The following IGDCC4 variants were observed in gnomAD, a reference collection of about 807,000 sequenced individuals.
IGDCC4 encodes the protein immunoglobulin superfamily DCC subclass member 4.
Under a neutral mutation model 116.6 loss-of-function variants are expected in IGDCC4, and 72 were observed. The observed-to-expected ratio is 0.62, with a 90% confidence interval of 0.51 to 0.75. The LOEUF is 0.75. IGDCC4 is among the 30% of genes least tolerant of loss of function. The pLI, the probability that IGDCC4 is intolerant of heterozygous loss-of-function variation, is 0.00. For synonymous variants in IGDCC4, 709 were observed against 719.9 expected, an observed-to-expected ratio of 0.98 and a Z score of 0.24; for missense variants, 1,501 against 1,662.4, an observed-to-expected ratio of 0.90 and a Z score of 1.69.
In IGDCC4 at chr15:65,385,986, G is replaced by A. The variant is rs200433662; in HGVS notation, c.3025C>T (p.Pro1009Ser). The A allele has an allele frequency of 2.6e-5, 42 of 1,598,504 alleles. No individual in the cohort carries two copies. In the East Asian group the frequency reaches 2.7e-4, roughly 10 times the overall value. ...PALYSRARLG[P>S]PSPPAAHELE... is the part of the protein sequence containing the mutation. ...TCATGGGCAGCTGGGGGGCTGGGGG[G>A]GCCAAGCCGAGCTCTGGAGTACAGC... The change falls in exon 18 of 20, where the codon CCC becomes TCC. Residue 1009 changes from proline (P) to serine (S), a missense_variant. Physicochemically the swap from Pro to Ser is moderately conservative, Grantham distance 74. This residue lies in a region of IGDCC4 where 368 missense variants were observed against 355.6 expected (regional missense o/e 1.03). Transcript: ENST00000352385.
intron 5 of IGDCC4, among the ~76,000 whole-genome samples, chr15:65,398,660 C>T (rs934408082): frequency 5.9e-5 from 9 of 151,642 alleles, no homozygotes; most frequent in African/African-American, 1.9e-4. Context: ...GGGCGGATCA[C>T]GAGGTTGGAT....
At chr15:65,409,683 C>T (rs1229535290) in intron 3 of IGDCC4, among the ~76,000 whole-genome samples, 1 of 152,206 alleles carries the variant, frequency 6.6e-6, no homozygotes, top group East Asian at 1.9e-4. Flanking sequence ...GAGGAAAGAC[C>T]TCTACAATTC....
In IGDCC4 at chr15:65,388,974, G is replaced by A; in HGVS notation, c.2541C>T (p.Pro847=). 6.3e-7 allele frequency: 1 copy of A among 1,589,578 alleles called. No individual in the cohort carries two copies. Among genetic ancestry groups the A allele is most frequent in the East Asian group, 2.2e-5 (1 of 44,588 alleles). Residue 847 remains proline, a synonymous_variant, in exon 15 of 20, where the codon CCC becomes CCT. Transcript: ENST00000352385. ...GTCGCAGGTCGGATGGGGGTGTGGA[G>A]GGCCCTGGGGTGCGGGAGAGGAGAT... ...VVERSTLPDR[P]STPPSDLRLS...
intron 8 of IGDCC4, 41 bp from the exon 9 acceptor site, chr15:65,394,589 C>A (rs199992352): frequency 6.5e-7 from 1 of 1,542,980 alleles, no homozygotes; most frequent in East Asian, 2.3e-5. Context: ...GCTCCACCGA[C>A]GTGGAAGGTG....
intron 1 of IGDCC4, among the ~76,000 whole-genome samples, chr15:65,415,289 G>A (rs777076559): frequency 9.9e-5 from 15 of 152,232 alleles, no homozygotes; most frequent in Non-Finnish European, 1.9e-4. Flanking sequence ...CCCCTGCTGC[G>A]TTGAACAAAC....
chr15:65,415,259 A>T (rs555892148), intron 1 of IGDCC4, among the ~76,000 whole-genome samples: 8 of 152,194 alleles, frequency 5.3e-5, no homozygotes, highest in Non-Finnish European at 8.8e-5. Flanking sequence ...CCCCTAAAGC[A>T]TGTCCCAGGC....
chr15:65,386,111 C>T lies in IGDCC4; in HGVS notation c.2952-52G>A, dbSNP rs112966629. The T allele has an allele frequency of 5.1e-3, 6,112 of 1,197,916 alleles. 235 individuals are homozygous for T. In the African/African-American group the frequency reaches 0.083, roughly 16 times the overall value. The allele number at this position is 1,197,916 out of a possible 1,614,324, so 74.2% of individuals were successfully genotyped here. A position where few individuals can be genotyped will look rare whatever the true frequency, so the allele number is the denominator to read the frequency against. ...ATAGCGGTCAGAGTAAGGGGTCAGGCGGGGCTGGGATCTGGTCCAGCCTAT... is the reference window on the plus strand; with the variant it reads ...ATAGCGGTCAGAGTAAGGGGTCAGGTGGGGCTGGGATCTGGTCCAGCCTAT... On this transcript the variant is annotated intron_variant, in intron 17 of 19. Coordinates refer to ENST00000352385, the MANE Select transcript of IGDCC4 (RefSeq NM_020962.3).
rs759110867 is a variant in IGDCC4 at position 65,392,302 on chromosome 15, G to A, written c.1954C>T (p.Pro652Ser). ...CCAGAGATCTGGGTGGGGTGAGGGG[G>A]TGGCTGCCATGACACGACCAGGGAC... is the stretch of plus-strand genomic sequence containing the variant. ...MESLVVSWQP[P>S]PHPTQISGYK... Residue 652 changes from proline to serine, a missense_variant, in exon 11 of 20, where the codon CCC becomes TCC. Physicochemically the swap from Pro to Ser is moderately conservative, Grantham distance 74 (BLOSUM62 -1). This residue lies in a region of IGDCC4 where 898 missense variants were observed against 978.9 expected (regional missense o/e 0.92). Transcript: ENST00000352385. 3 of 1,596,398 alleles carry A rather than the reference G, an allele frequency of 1.9e-6. No homozygotes were observed. The highest frequency in any genetic ancestry group is 2.6e-6 in the Non-Finnish European group (3 of 1,168,668).
In IGDCC4 at chr15:65,388,802, C is replaced by T; in HGVS notation, c.2707+6G>A. ...TGAGCAGATGCCCTGGGGCAGGAGC[C>T]CTCACCCTGCGTGGTGAGCAAGGTC... On this transcript the variant is annotated splice_donor_region_variant and intron_variant, in intron 15 of 19. Coordinates refer to ENST00000352385, the MANE Select transcript of IGDCC4 (RefSeq NM_020962.3). 6.2e-7 allele frequency: 1 copy of T among 1,613,834 alleles called. No homozygotes were observed. The highest frequency in any genetic ancestry group is 8.5e-7 in the Non-Finnish European group (1 of 1,179,960).
Position 65,396,177 on chromosome 15 carries a change from G to A in IGDCC4, c.998-14C>T, listed in dbSNP as rs1439219434. ...TGGCGGGAGCCGCTAGGGGCGCGAGGGGCGACGCTGAGCGCGGGATCCCGC... is the reference window on the plus strand; with the variant it reads ...TGGCGGGAGCCGCTAGGGGCGCGAGAGGCGACGCTGAGCGCGGGATCCCGC... On this transcript the variant is annotated splice_polypyrimidine_tract_variant and intron_variant, in intron 6 of 19. Transcript: ENST00000352385. 19 of 1,498,320 alleles carry A rather than the reference G, an allele frequency of 1.3e-5. No homozygotes were observed. The highest frequency in any genetic ancestry group is 1.6e-5 in the Non-Finnish European group (18 of 1,129,398). The allele number at this position is 1,498,320 out of a possible 1,614,324, so 92.8% of individuals were successfully genotyped here.
At chr15:65,410,924 G>C (rs933445608) in intron 2 of IGDCC4, 96 bp downstream of exon 2, 1 of 950,624 alleles carries the variant, frequency 1.1e-6, no homozygotes, top group Non-Finnish European at 1.6e-6. Flanking sequence ...GGGATCAAGA[G>C]AGAGGCATTT....
intron 3 of IGDCC4, among the ~76,000 whole-genome samples, chr15:65,407,964 T>A (rs1341476553): frequency 6.6e-6 from 1 of 151,950 alleles, no homozygotes; most frequent in Non-Finnish European, 1.5e-5. Flanking sequence ...AGATGACATT[T>A]CACCATATTG....
At chr15:65,404,470 T>G (rs2063021365) in intron 3 of IGDCC4, among the ~76,000 whole-genome samples, 1 of 152,046 alleles carries the variant, frequency 6.6e-6, no homozygotes, top group South Asian at 2.1e-4. Flanking sequence ...CCCACCCCCA[T>G]CCATCTAACG....
chr15:65,402,123 G>C (rs149734137), intron 4 of IGDCC4, among the ~76,000 whole-genome samples: 2 of 152,360 alleles, frequency 1.3e-5, no homozygotes, highest in South Asian at 2.1e-4. Context: ...TGCATGAAGA[G>C]AGGAGCCCTG....
rs370912770 is a variant in IGDCC4 at position 65,411,105 on chromosome 15, C to T, written c.336G>A (p.Val112=). 1.2e-5 allele frequency: 19 copies of T among 1,614,100 alleles called. No homozygotes were observed. Among genetic ancestry groups the T allele is most frequent in the Admixed American group, 1.7e-5 (1 of 60,004 alleles). ...NGSDESVPEA[V]GVIEGNYSCL... ...ACGAATAGTTGCCTTCAATGACCCC[C>T]ACAGCCTCAGGGACTGACTCGTCAC... Residue 112 remains valine, a synonymous_variant, in exon 2 of 20, where the codon GTG becomes GTA. Transcript: ENST00000352385.
chr15:65,386,840 T>G (rs2091465416), intron 16 of IGDCC4, among the ~76,000 whole-genome samples, 184 bp from the exon 17 acceptor site: 1 of 152,158 alleles, frequency 6.6e-6, no homozygotes, highest in Non-Finnish European at 1.5e-5. Context: ...TACCTCTCCC[T>G]CTGACTGTCC....
chr15:65,397,197 T>G (rs2062937010), intron 5 of IGDCC4, among the ~76,000 whole-genome samples: 1 of 152,222 alleles, frequency 6.6e-6, no homozygotes, highest in Admixed American at 6.5e-5. Context: ...AGGGTTTCCA[T>G]GAGGATTGAA....
intron 18 of IGDCC4, chr15:65,385,338 G>T: frequency 1.7e-6 from 1 of 578,156 alleles, no homozygotes; most frequent in Non-Finnish European, 3.0e-6. Context: ...AACACCAGAC[G>T]CTCTGCAAAG....
chr15:65,395,333 T>C, intron 7 of IGDCC4, 75 bp from the exon 8 acceptor site: 4 of 1,439,710 alleles, frequency 2.8e-6, no homozygotes, highest in Non-Finnish European at 3.8e-6. Flanking sequence ...TGTATAGGAA[T>C]CCTTCATATT....
Sources: gnomAD v4.1 joint callset for allele counts (sites outside exome capture counted in the v4.1 genomes callset) on GRCh38, gnomAD v4.1.1 for gene constraint, gnomAD v4.1.1 regional missense constraint, MANE v1.5 for transcripts, NCBI Gene and HGNC (gene_info 2026-07-23, HGNC 2026-07-21) for gene names.